MAEL: variants seen among roughly 807,000 people sequenced by gnomAD.
The protein encoded by MAEL is protein maelstrom homolog.
A neutral mutation model predicts 62.0 loss-of-function variants in MAEL; 46 were observed. The observed-to-expected ratio is 0.74, with a 90% CI of 0.59 to 0.95. MAEL has a LOEUF of 0.95. Ranked by LOEUF, MAEL falls within the 40% of genes least tolerant of loss-of-function variation. The probability of loss-of-function intolerance (pLI) is 0.00; values close to 1 mark genes in which losing one functional copy is unlikely to be tolerated. For synonymous variants in MAEL, 172 were observed against 175.5 expected (o/e 0.98, Z 0.16); for missense variants, 497 against 526.8 (o/e 0.94, Z 0.55).
chr1:167,007,560 TGTG>T, intron 8 of MAEL, among the ~76,000 whole-genome samples: 1 of 27,952 alleles, frequency 3.6e-5, no homozygotes, highest in South Asian at 1.1e-3. Flanking sequence ...TATATGTTTG[TGTG>T]TGTGTGTGTG....
chr1:166,979,656 A>G (rs1663700479), intron 1 of MAEL, among the ~76,000 whole-genome samples: 1 of 152,208 alleles, frequency 6.6e-6, no homozygotes, highest in South Asian at 2.1e-4. Flanking sequence ...AGCCTGGGAG[A>G]ATGTGTTGAA....
chr1:166,989,098 C>A, upstream of MAEL: 1 of 495,688 alleles, frequency 2.0e-6, no homozygotes, highest in Middle Eastern at 5.4e-4. Context: ...CTGCCACGCA[C>A]CCAGCCAATC....
intron 5 of MAEL, 73 bp from the exon 6 acceptor site, chr1:167,004,107 C>G (rs1231110486): frequency 8.3e-6 from 11 of 1,321,252 alleles, no homozygotes; most frequent in Middle Eastern, 1.9e-4. Flanking sequence ...TCTTCTTGTA[C>G]CCCCACTTCT....
intron 10 of MAEL, 80 bp downstream of exon 10, chr1:167,018,039 T>C: frequency 7.1e-7 from 1 of 1,409,498 alleles, no homozygotes; most frequent in African/African-American, 1.4e-5. Context: ...AAACAAAAGA[T>C]CAGCCTTTGT....
At position 166,989,597 on chromosome 1, in the gene MAEL, A is replaced by G. The variant is rs183896752; in HGVS notation, c.132+113A>G. 75 of 1,487,604 alleles carry G rather than the reference A, an allele frequency of 5.0e-5. No homozygotes were observed. In the African/African-American group the frequency reaches 1.0e-3, roughly 20 times the overall value. 92.2% of individuals were successfully genotyped at this position (1,487,604 alleles called of 1,614,324 possible). ...CAGGCGGCTTGGCCCTGCCAGAGGAAGAGGAAGGCCCCCGTTTGTGGCCCT... is the reference window on the plus strand; with the variant it reads ...CAGGCGGCTTGGCCCTGCCAGAGGAGGAGGAAGGCCCCCGTTTGTGGCCCT... On this transcript the variant is annotated intron_variant, in intron 1 of 11. Transcript: ENST00000367872.
intron 8 of MAEL, among the ~76,000 whole-genome samples, chr1:167,013,823 A>C (rs1464308086): frequency 6.6e-6 from 1 of 152,194 alleles, no homozygotes; most frequent in East Asian, 1.9e-4. Context: ...TTGGAGGCAA[A>C]ATCCTAAATG....
At chr1:167,008,836 G>A (rs774227702) in intron 8 of MAEL, among the ~76,000 whole-genome samples, 1 of 152,016 alleles carries the variant, frequency 6.6e-6, no homozygotes, top group Middle Eastern at 3.2e-3. Context: ...AAATGTCCAG[G>A]TGAAAAGGAC....
In MAEL at chr1:167,021,673, T is replaced by C. The variant is rs1292505159; in HGVS notation, c.1123T>C (p.Tyr375His). Reference protein sequence around the residue: ...EQRSNTPIGDYPSRAKISGQN... With the variant: ...EQRSNTPIGDHPSRAKISGQN... ...TTGTATTTTCAATATCCTAGGTGAC[T>C]ACCCATCTAGGGCAAAAATTTCTGG... Residue 375 changes from tyrosine to histidine, a missense_variant, in exon 12 of 12, where the codon TAC becomes CAC. Tyr to His is a moderately conservative substitution (Grantham distance 83, BLOSUM62 2). Coordinates refer to ENST00000367872, the MANE Select transcript of MAEL (RefSeq NM_032858.3). The C allele has an allele frequency of 6.3e-7, 1 of 1,598,636 alleles. No homozygotes were observed. The highest frequency in any genetic ancestry group is 2.2e-5 in the East Asian group (1 of 44,736).
At chr1:167,016,783 A>G (rs1380601414) in intron 9 of MAEL, among the ~76,000 whole-genome samples, 1 of 152,186 alleles carries the variant, frequency 6.6e-6, no homozygotes, top group Non-Finnish European at 1.5e-5. Context: ...CTTATACACA[A>G]TAGAGTACTA....
upstream of MAEL, among the ~76,000 whole-genome samples, chr1:166,987,356 C>T (rs6427049): frequency 0.26 from 39,835 of 152,134 alleles, 5,593 homozygotes; most frequent in African/African-American, 0.37. Flanking sequence ...ATATCAATAG[C>T]TCATTCCTTT....
chr1:166,989,442 T>G lies in MAEL; in HGVS notation c.90T>G (p.Ala30=), dbSNP rs1386003281. Residue 30 remains alanine (A), a synonymous_variant, in exon 1 of 12, where the codon GCT becomes GCG. Transcript: ENST00000367872. The stretch of plus-strand genomic sequence containing the variant: ...TACGGCGACGAGGCCTGCCTGTGGC[T>G]CGCGTTGCTGATGCCATCCCTTACT... The part of the protein sequence containing the change: ...PELRRRGLPV[A]RVADAIPYCS... 2 of 1,592,330 alleles carry G rather than the reference T, an allele frequency of 1.3e-6. No individual in the cohort carries two copies. The highest frequency in any genetic ancestry group is 8.5e-7 in the Non-Finnish European group (1 of 1,169,744).
intron 5 of MAEL, among the ~76,000 whole-genome samples, chr1:166,994,372 A>C (rs1664318314): frequency 6.6e-6 from 1 of 152,200 alleles, no homozygotes; most frequent in Non-Finnish European, 1.5e-5. Flanking sequence ...CAGATTATCT[A>C]GATTTAGGAC....
Position 167,017,813 on chromosome 1 carries a change from T to G in MAEL, c.909-14T>G. 1 of 1,589,140 alleles carries G rather than the reference T, an allele frequency of 6.3e-7. No individual in the cohort carries two copies. The highest frequency in any genetic ancestry group is 8.5e-7 in the Non-Finnish European group (1 of 1,169,736). On this transcript the variant is annotated splice_polypyrimidine_tract_variant and intron_variant, in intron 9 of 11. Transcript: ENST00000367872. ...AATTAGATTCTGATAGTGAGATTTT[T>G]ATTTCTTTTAAAGGTACTGCATCAG... is the stretch of plus-strand genomic sequence containing the variant.
Position 167,021,920 on chromosome 1 carries a change from A to G in MAEL, c.*65A>G. Reference sequence around the variant, plus strand: ...CCAACTTCCTTCTTACTACAGTCATATTAAACAGATCACATCAATGACAAA... The same window carrying G: ...CCAACTTCCTTCTTACTACAGTCATGTTAAACAGATCACATCAATGACAAA... On this transcript the variant is annotated 3_prime_UTR_variant, in exon 12 of 12. Transcript: ENST00000367872. The G allele has an allele frequency of 2.0e-6, 2 of 1,011,672 alleles. No homozygotes were observed. Among genetic ancestry groups the G allele is most frequent in the South Asian group, 3.3e-5 (2 of 60,292 alleles). The allele number at this position is 1,011,672 out of a possible 1,614,324, so 62.7% of individuals were successfully genotyped here.
At chr1:166,976,041 C>A (rs1276481914) in intron 1 of MAEL, among the ~76,000 whole-genome samples, 1 of 152,160 alleles carries the variant, frequency 6.6e-6, no homozygotes, top group Non-Finnish European at 1.5e-5. Flanking sequence ...AGGAACCAGG[C>A]AAGAGGCTCC....
chr1:166,980,475 A>G (rs1207660302), intron 1 of MAEL, among the ~76,000 whole-genome samples: 4 of 152,226 alleles, frequency 2.6e-5, no homozygotes, highest in African/African-American at 4.8e-5. Flanking sequence ...AGAAGGAGTG[A>G]CAGGTGTTTT....
chr1:167,014,763 C>G (rs1665315752), intron 8 of MAEL, among the ~76,000 whole-genome samples: 1 of 152,190 alleles, frequency 6.6e-6, no homozygotes, highest in Non-Finnish European at 1.5e-5. Context: ...TGGCTCATGC[C>G]TGTAATCCCA....
At position 167,004,096 on chromosome 1, in the gene MAEL, CTCT is replaced by C. The variant is rs1664786712; in HGVS notation, c.524-79_524-77del. The C allele has an allele frequency of 9.9e-6, 12 of 1,218,160 alleles. No homozygotes were observed. The East Asian group carries it at 2.4e-4, about 24-fold the overall frequency. The allele number at this position is 1,218,160 out of a possible 1,614,324, so 75.5% of individuals were successfully genotyped here. A position where few individuals can be genotyped will look rare whatever the true frequency, so the allele number is the denominator to read the frequency against. ...ACTTAACTGTGTGTTACCCACTACT[CTCT>C]TCTTGTACCCCCACTTCTATACCTA... is the stretch of plus-strand genomic sequence containing the variant. On this transcript the variant is annotated intron_variant, in intron 5 of 11. Transcript: ENST00000367872.
rs1313389081 is a variant in MAEL at position 166,989,331 on chromosome 1, C to G, written c.-22C>G. The G allele has an allele frequency of 1.2e-6, 2 of 1,604,682 alleles. No homozygotes were observed. The highest frequency in any genetic ancestry group is 1.3e-5 in the African/African-American group (1 of 74,834). On this transcript the variant is annotated 5_prime_UTR_variant, in exon 1 of 12. Transcript: ENST00000367872. ...GCCGGTGCTTTGTTCTGTCTGAGGCCAGGAAGTTTGACCGCGCTGCCATGC... is the reference window on the plus strand; with the variant it reads ...GCCGGTGCTTTGTTCTGTCTGAGGCGAGGAAGTTTGACCGCGCTGCCATGC...
Sources: allele counts gnomAD v4.1 joint callset (sites outside exome capture counted in the v4.1 genomes callset), GRCh38; gene constraint gnomAD v4.1.1; transcripts MANE v1.5; gene names NCBI Gene and HGNC (gene_info 2026-07-23, HGNC 2026-07-21).